The following CUX1 variants were observed in gnomAD, a reference collection of about 807,000 sequenced individuals.
CUX1 encodes the protein protein CASP.
Under a neutral mutation model 158.8 loss-of-function variants are expected in CUX1, and 31 were observed. The ratio of observed to expected loss-of-function variants is 0.20; its 90% CI spans 0.15 to 0.26. The LOEUF (loss-of-function observed/expected upper bound fraction) is 0.26. Ranked by LOEUF, CUX1 falls within the 10% of genes least tolerant of loss-of-function variation. The pLI is 1.00. For missense variants in CUX1, 1,589 were observed against 2,014.6 expected (o/e 0.79, Z 4.04); for synonymous variants, 879 against 862.1 (o/e 1.02, Z -0.34).
chr7:101,987,742 A>G (rs1180198300), intron 2 of CUX1, among the ~76,000 whole-genome samples: 3 of 152,238 alleles, frequency 2.0e-5, no homozygotes, highest in Non-Finnish European at 4.4e-5. Flanking sequence ...TGCACCAGGG[A>G]CATCAGAGTG....
chr7:101,964,311 A>T (rs1297004576), intron 2 of CUX1, among the ~76,000 whole-genome samples: 1 of 152,022 alleles, frequency 6.6e-6, no homozygotes, highest in Admixed American at 6.6e-5. Context: ...TGAGATCATG[A>T]CAGTGCACTC....
At chr7:101,821,099 A>G (rs1356573457) in intron 1 of CUX1, among the ~76,000 whole-genome samples, 2 of 152,144 alleles carry the variant, frequency 1.3e-5, no homozygotes, top group South Asian at 2.1e-4. Flanking sequence ...TAGACAAGCA[A>G]TTTAATATCT....
chr7:102,281,391 A>G (rs1171287181), intron 20 of CUX1, among the ~76,000 whole-genome samples: 1 of 151,924 alleles, frequency 6.6e-6, no homozygotes, highest in Non-Finnish European at 1.5e-5. Context: ...GGCCGGGCAC[A>G]GCAGCTCACG....
At chr7:101,931,301 G>T (rs1314886257) in intron 2 of CUX1, among the ~76,000 whole-genome samples, 2 of 152,178 alleles carry the variant, frequency 1.3e-5, no homozygotes, top group Non-Finnish European at 2.9e-5. Context: ...GTCCCATTGT[G>T]TGTGGAATGG....
At chr7:102,177,875 G>A (rs1302461771) in intron 10 of CUX1, among the ~76,000 whole-genome samples, 1 of 141,944 alleles carries the variant, frequency 7.0e-6, no homozygotes, top group Non-Finnish European at 1.5e-5. Context: ...GCCCTGGGAA[G>A]ACAGGGACTT....
chr7:101,935,325 C>T (rs1025932706), intron 2 of CUX1, among the ~76,000 whole-genome samples: 2 of 152,158 alleles, frequency 1.3e-5, no homozygotes, highest in African/African-American at 4.8e-5. Flanking sequence ...CCCCTTTCTC[C>T]CTTCGCTGAC....
At chr7:102,113,820 T>A (rs1274051588) in intron 7 of CUX1, among the ~76,000 whole-genome samples, 1 of 152,118 alleles carries the variant, frequency 6.6e-6, no homozygotes, top group Non-Finnish European at 1.5e-5. Flanking sequence ...CCCACCTCAG[T>A]GTCCCAAAAT....
At chr7:101,896,049 G>A (rs1801479617) in intron 1 of CUX1, among the ~76,000 whole-genome samples, 1 of 151,700 alleles carries the variant, frequency 6.6e-6, no homozygotes, top group Admixed American at 6.6e-5. Flanking sequence ...ACTGCACTTG[G>A]CGTATTTATT....
At chr7:102,124,351 G>A (rs115035829) in intron 8 of CUX1, among the ~76,000 whole-genome samples, 2,424 of 152,326 alleles carry the variant, frequency 0.016, 54 homozygotes, top group African/African-American at 0.054. Flanking sequence ...CCAAAGAAAG[G>A]AAATGGCTGT....
intron 14 of CUX1, among the ~76,000 whole-genome samples, chr7:102,270,083 G>C (rs1791105265): frequency 6.6e-6 from 1 of 152,240 alleles, no homozygotes; most frequent in Non-Finnish European, 1.5e-5. Context: ...CCTCGCCCCA[G>C]AGCCCTGTAC....
At chr7:102,175,334 T>G (rs530222989) in intron 10 of CUX1, among the ~76,000 whole-genome samples, 3 of 152,316 alleles carry the variant, frequency 2.0e-5, no homozygotes, top group South Asian at 2.1e-4. Context: ...ACCCTTTTCG[T>G]AAAAGCCCTT....
At chr7:102,088,715 T>A (rs2130820543) in intron 4 of CUX1, among the ~76,000 whole-genome samples, 1 of 152,380 alleles carries the variant, frequency 6.6e-6, no homozygotes, top group Middle Eastern at 3.4e-3. Context: ...ACTGACTGTT[T>A]CTGAGACAGG....
intron 8 of CUX1, among the ~76,000 whole-genome samples, chr7:102,151,727 C>CAAAAA (rs1159017025): frequency 4.9e-4 from 19 of 38,874 alleles, no homozygotes; most frequent in East Asian, 2.3e-3. Context: ...GACTCTGTCT[C>CAAAAA]AAAAAAAAAA....
At chr7:102,115,383 A>G (rs1044217748) in intron 8 of CUX1, 110 bp downstream of exon 8, 51 of 887,240 alleles carry the variant, frequency 5.7e-5, no homozygotes, top group Non-Finnish European at 3.5e-6. Context: ...GCAGGGACAC[A>G]GTGTATTTCC....
intron 1 of CUX1, among the ~76,000 whole-genome samples, chr7:101,889,720 C>T (rs532844148): frequency 6.6e-6 from 1 of 152,144 alleles, no homozygotes; most frequent in East Asian, 1.9e-4. Context: ...TGCAGTCAGG[C>T]GAGATCACAC....
At chr7:101,981,647 C>T (rs113634181) in intron 2 of CUX1, among the ~76,000 whole-genome samples, 19 of 151,802 alleles carry the variant, frequency 1.3e-4, no homozygotes, top group Non-Finnish European at 2.2e-4. Context: ...GAGTCTCGCT[C>T]TGTCGCCCAG....
At position 102,227,398 on chromosome 7, in the gene CUX1, C is replaced by T; in HGVS notation, c.3162C>T (p.Ser1054=). 2 of 1,612,290 alleles carry T rather than the reference C, an allele frequency of 1.2e-6. No homozygotes were observed. Among genetic ancestry groups the T allele is most frequent in the South Asian group, 1.1e-5 (1 of 91,062 alleles). ...CTCCAAAGACCTCCGCCAGCTGCAGCCCTGCCCCTGAGTCCCCGATGAGTT... is the reference window on the plus strand; with the variant it reads ...CTCCAAAGACCTCCGCCAGCTGCAGTCCTGCCCCTGAGTCCCCGATGAGTT... ...ESTPKTSASC[S]PAPESPMSSS... is the part of the protein sequence containing the mutation. The change falls in exon 21 of 24, where the codon AGC becomes AGT. Residue 1054 remains serine, a synonymous_variant. Coordinates refer to ENST00000292535, the MANE Select transcript of CUX1 (RefSeq NM_181552.4).
intron 2 of CUX1, among the ~76,000 whole-genome samples, chr7:102,022,401 T>C (rs1819480616): frequency 6.6e-6 from 1 of 152,090 alleles, no homozygotes; most frequent in African/African-American, 2.4e-5. Flanking sequence ...GTGGATCACT[T>C]GAGCCTAGGA....
At chr7:102,032,397 G>A (rs1306741785) in intron 3 of CUX1, among the ~76,000 whole-genome samples, 2 of 151,438 alleles carry the variant, frequency 1.3e-5, no homozygotes, top group African/African-American at 2.4e-5. Context: ...CCCCGTCTCA[G>A]TCTCATGCCT....
Sources: gnomAD v4.1 joint callset for allele counts (sites outside exome capture counted in the v4.1 genomes callset) on GRCh38, gnomAD v4.1.1 for gene constraint, MANE v1.5 for transcripts, NCBI Gene and HGNC (gene_info 2026-07-23, HGNC 2026-07-21) for gene names.